The following HSPG2 variants were observed in gnomAD, a reference collection of about 807,000 sequenced individuals.
HSPG2 encodes the protein heparan sulfate proteoglycan 2, also known as basement membrane-specific heparan sulfate proteoglycan core protein.
A neutral mutation model predicts 526.6 loss-of-function variants in HSPG2; 278 were observed. The observed-to-expected ratio is 0.53, with a 90% CI of 0.48 to 0.58. The LOEUF is 0.58. Among genes scored for constraint, HSPG2 ranks in the 20% least tolerant of loss-of-function variants. HSPG2 has a pLI of 0.00. For missense variants in HSPG2, 5,354 were observed against 6,099.5 expected (o/e 0.88, Z 4.07); for synonymous variants, 2,465 against 2,555.4 (o/e 0.96, Z 1.07).
At position 21,880,943 on chromosome 1, in the gene HSPG2, GACTT is replaced by G. The variant is rs1641455387; in HGVS notation, c.1819-112_1819-109del. 4 of 1,146,048 alleles carry G rather than the reference GACTT, an allele frequency of 3.5e-6. No homozygotes were observed. The East Asian group carries it at 7.7e-5, about 22-fold the overall frequency. 71.0% of individuals were successfully genotyped at this position (1,146,048 alleles called of 1,614,324 possible). A position where few individuals can be genotyped will look rare whatever the true frequency, so the allele number is the denominator to read the frequency against. ...CTCCTCCCTCACTCTGCCTACCTGA[GACTT>G]ACTGTGTGCCAGGCACTGAGCTAGG... On this transcript the variant is annotated intron_variant, in intron 14 of 96. Transcript: ENST00000374695.
chr1:21,873,468 GC>G, intron 29 of HSPG2, 44 bp from the exon 30 acceptor site: 1 of 1,594,552 alleles, frequency 6.3e-7, no homozygotes, highest in Non-Finnish European at 8.6e-7. Context: ...ATGAAGGGAA[GC>G]AGAACCCCAG....
chr1:21,917,775 C>T (rs1395782897), intron 1 of HSPG2, among the ~76,000 whole-genome samples: 1 of 152,184 alleles, frequency 6.6e-6, no homozygotes, highest in Non-Finnish European at 1.5e-5. Context: ...TCACCACCTC[C>T]ACTCTAAAGA....
chr1:21,920,569 T>C (rs933432761), intron 1 of HSPG2, among the ~76,000 whole-genome samples: 3 of 152,224 alleles, frequency 2.0e-5, no homozygotes, highest in Admixed American at 6.5e-5. Context: ...GCTGCTCTTT[T>C]CCAGGCTGCA....
chr1:21,843,359 G>A lies in HSPG2; in HGVS notation c.8696C>T (p.Ser2899Leu), dbSNP rs751866073. 1.2e-6 allele frequency: 2 copies of A among 1,614,030 alleles called. No individual in the cohort carries two copies. The highest frequency in any genetic ancestry group is 1.7e-6 in the Non-Finnish European group (2 of 1,180,036). Reference sequence around the variant, plus strand: ...CAGGACAGATGCCTCCAGGGTGCCTGAGCTTCCGGTCACTTGGCACGAGTA... The same window carrying A: ...CAGGACAGATGCCTCCAGGGTGCCTAAGCTTCCGGTCACTTGGCACGAGTA... The part of the protein sequence containing the change: ...GEYSCQVTGS[S>L]GTLEASVLVT... Residue 2899 changes from serine (S) to leucine (L), a missense_variant, in exon 66 of 97, where the codon TCA becomes TTA. By Grantham distance (145) the Ser-to-Leu change is moderately radical (BLOSUM62 -2). Coordinates refer to ENST00000374695, the MANE Select transcript of HSPG2 (RefSeq NM_005529.7).
chr1:21,837,877 G>A (rs1049207166), intron 74 of HSPG2, among the ~76,000 whole-genome samples: 2 of 151,932 alleles, frequency 1.3e-5, no homozygotes, highest in Non-Finnish European at 2.9e-5. Context: ...GGCTCACGCC[G>A]GTAATCCCAG....
chr1:21,823,982 C>T, intron 95 of HSPG2, 139 bp downstream of exon 95: 1 of 908,516 alleles, frequency 1.1e-6, no homozygotes. Context: ...CGAGCCCTGG[C>T]TGGTGGGTTC....
chr1:21,833,713 T>G (rs1019776833), intron 78 of HSPG2, 99 bp from the exon 79 acceptor site: 2 of 1,577,544 alleles, frequency 1.3e-6, no homozygotes, highest in Non-Finnish European at 8.7e-7. Flanking sequence ...CATTGAGCGT[T>G]TGCTCTTGGC....
Position 21,864,031 on chromosome 1 carries a change from G to A in HSPG2, c.4740+69C>T. ...GATCCCCTGGATTGATGCCTGCCTT[G>A]TCCAGCCCTGGTCCCCCACCCAGGC... On this transcript the variant is annotated intron_variant, in intron 37 of 96. Coordinates refer to ENST00000374695, the MANE Select transcript of HSPG2 (RefSeq NM_005529.7). The surrounding 1 kb of genome is among the most constrained non-coding windows in gnomAD (Gnocchi z 4.8). The A allele has an allele frequency of 8.2e-7, 1 of 1,216,634 alleles. No homozygotes were observed. The highest frequency in any genetic ancestry group is 1.2e-6 in the Non-Finnish European group (1 of 844,046). The allele number at this position is 1,216,634 out of a possible 1,614,324, so 75.4% of individuals were successfully genotyped here.
intron 81 of HSPG2, 94 bp from the exon 82 acceptor site, chr1:21,831,890 G>T: frequency 7.5e-7 from 1 of 1,333,836 alleles, no homozygotes; most frequent in Non-Finnish European, 1.0e-6. Context: ...CCCAGAGGAG[G>T]GATGTCACCA....
rs1199509449 is a variant in HSPG2, at chr1:21,848,075, G to A, written c.7756C>T (p.Arg2586Trp). The A allele has an allele frequency of 1.9e-6, 3 of 1,607,408 alleles. No individual in the cohort carries two copies. The highest frequency in any genetic ancestry group is 2.5e-6 in the Non-Finnish European group (3 of 1,177,400). Residue 2586 changes from arginine (R) to tryptophan (W), a missense_variant, in exon 60 of 97, where the codon CGG (arginine) becomes TGG (tryptophan). Coordinates refer to ENST00000374695, the MANE Select transcript of HSPG2 (RefSeq NM_005529.7). This position sits in a 1 kb window ranked among gnomAD's most constrained non-coding sequence, Gnocchi z 4.9. ...TCTGCCGGAGTCACCTGAGGGATCC[G>A]CAGCCGGGAGCCCACGATCTGCAGG... is the stretch of plus-strand genomic sequence containing the variant. ...SRHQIVGSRLRIPQVTPADSG... is the reference protein window; with the variant it reads ...SRHQIVGSRLWIPQVTPADSG...
At chr1:21,841,032 C>T in intron 71 of HSPG2, 69 bp downstream of exon 71, 1 of 1,473,142 alleles carries the variant, frequency 6.8e-7, no homozygotes, top group Non-Finnish European at 9.3e-7. Context: ...CTACTATCTC[C>T]TCCAAGCACC....
At chr1:21,875,034 G>A (rs1640941134) in intron 25 of HSPG2, 32 bp from the exon 26 acceptor site, 2 of 1,491,968 alleles carry the variant, frequency 1.3e-6, no homozygotes, top group African/African-American at 2.8e-5. Flanking sequence ...GTGAATAGGA[G>A]TGCTGGCTCT....
intron 1 of HSPG2, among the ~76,000 whole-genome samples, chr1:21,906,592 T>C (rs955143772): frequency 2.6e-5 from 4 of 152,098 alleles, no homozygotes; most frequent in Non-Finnish European, 4.4e-5. Context: ...GCTTTCTTCA[T>C]GTCCTTTCCT....
rs1572252795 is a variant in HSPG2, at chr1:21,858,366, T to C, written c.5294-981A>G. Among the ~76,000 whole-genome samples, 2 of 152,172 alleles carry C rather than the reference T, an allele frequency of 1.3e-5. No homozygotes were observed. Among genetic ancestry groups the C allele is most frequent in the East Asian group, 3.9e-4 (2 of 5,186 alleles). On this transcript the variant is annotated intron_variant, in intron 42 of 96. Coordinates refer to ENST00000374695, the MANE Select transcript of HSPG2 (RefSeq NM_005529.7). This position sits in a 1 kb window ranked among gnomAD's most constrained non-coding sequence, Gnocchi z 4.2. ...GGCTCTTCCTGCCCTTCCTCTTCCA[T>C]TTGACATGTTCACACTGGAGCTCCT...
intron 1 of HSPG2, among the ~76,000 whole-genome samples, chr1:21,923,422 T>A (rs1450871492): frequency 6.6e-6 from 1 of 151,620 alleles, no homozygotes; most frequent in Non-Finnish European, 1.5e-5. Flanking sequence ...AAAAATAAAA[T>A]AAAATAACCA....
chr1:21,854,791 G>T, intron 48 of HSPG2, 26 bp from the exon 49 acceptor site: 2 of 1,613,164 alleles, frequency 1.2e-6, no homozygotes, highest in Non-Finnish European at 1.7e-6. Context: ...GGGTCAGCAG[G>T]CCCCAGGGGA....
intron 33 of HSPG2, among the ~76,000 whole-genome samples, chr1:21,871,562 G>A (rs1640654156): frequency 1.3e-5 from 2 of 152,186 alleles, no homozygotes; most frequent in South Asian, 4.1e-4. Context: ...GCCTTTGGCA[G>A]AGCATTTGAA....
At position 21,831,361 on chromosome 1, in the gene HSPG2, G is replaced by A. The variant is rs376857312; in HGVS notation, c.11453-37C>T. ...GTGGGCAGGATGAGCACAGGGCAGG[G>A]TGTCCCAGCCCATACCCTGAGGTGC... On this transcript the variant is annotated intron_variant, in intron 83 of 96. Transcript: ENST00000374695. 91 of 1,606,664 alleles carry A rather than the reference G, an allele frequency of 5.7e-5. No homozygotes were observed. In the African/African-American group the frequency reaches 9.9e-4, roughly 17 times the overall value.
intron 91 of HSPG2, among the ~76,000 whole-genome samples, chr1:21,827,122 C>G (rs557182046): frequency 6.6e-6 from 1 of 151,216 alleles, no homozygotes. Flanking sequence ...GCAGCAGAAT[C>G]GCTTGAGTCT....
Sources: allele counts gnomAD v4.1 joint callset (sites outside exome capture counted in the v4.1 genomes callset), GRCh38; gene constraint gnomAD v4.1.1; non-coding constraint Gnocchi (gnomAD v3.1); transcripts MANE v1.5; gene names NCBI Gene and HGNC (gene_info 2026-07-23, HGNC 2026-07-21).